ZNF728: variants seen among roughly 807,000 people sequenced by gnomAD.
The protein encoded by ZNF728 is zinc finger protein 728.
In ZNF728, 12 loss-of-function variants were observed where a neutral mutation model predicts 12.5. The ratio of observed to expected loss-of-function variants is 0.96; its 90% CI spans 0.61 to 1.55. ZNF728 has a LOEUF of 1.55. Ranked by LOEUF, ZNF728 falls within the 40% of genes most tolerant of loss-of-function variation. ZNF728 has a pLI of 0.00. For missense variants in ZNF728, 692 were observed against 719.2 expected (o/e 0.96, Z 0.43); for synonymous variants, 205 against 240.7 (o/e 0.85, Z 1.37).
At chr19:22,977,181 A>G in intron 3 of ZNF728, 71 bp from the exon 4 acceptor site, 1 of 1,365,824 alleles carries the variant, frequency 7.3e-7, no homozygotes. Context: ...TAACCTATAA[A>G]ATTATTCAAA....
At chr19:22,992,389 T>C (rs1419732245) in intron 1 of ZNF728, among the ~76,000 whole-genome samples, 2 of 151,988 alleles carry the variant, frequency 1.3e-5, no homozygotes, top group Non-Finnish European at 2.9e-5. Context: ...ACTATAGGCA[T>C]GAGCCACCAC....
At chr19:23,000,914 A>G (rs1210088973) in intron 1 of ZNF728, among the ~76,000 whole-genome samples, 1 of 151,548 alleles carries the variant, frequency 6.6e-6, no homozygotes, top group African/African-American at 2.4e-5. Flanking sequence ...TGAGGTCAAA[A>G]TAAGTGAACA....
chr19:22,991,993 A>AT (rs1159368817), intron 1 of ZNF728, among the ~76,000 whole-genome samples: 2 of 152,186 alleles, frequency 1.3e-5, no homozygotes, highest in Non-Finnish European at 2.9e-5. Flanking sequence ...TTCTAGAATA[A>AT]TTTTTTAGAA....
chr19:22,980,034 T>TA (rs1336911875), intron 3 of ZNF728, among the ~76,000 whole-genome samples: 5 of 152,106 alleles, frequency 3.3e-5, no homozygotes, highest in African/African-American at 1.2e-4. Context: ...GTAAATGGGC[T>TA]AAATGCCCCC....
Position 23,003,057 on chromosome 19 carries a change from C to T in ZNF728, c.-27G>A. On this transcript the variant is annotated 5_prime_UTR_variant, in exon 1 of 4. Transcript: ENST00000594710. ...TCTAGGCTTCCGGGGGTCCTGGCGA[C>T]TTAGTTGTGAATCTCCCAATACCTG... The T allele has an allele frequency of 6.3e-7, 1 of 1,577,618 alleles. No individual in the cohort carries two copies. Among genetic ancestry groups the T allele is most frequent in the Non-Finnish European group, 8.6e-7 (1 of 1,162,398 alleles).
In ZNF728 at chr19:22,988,435, C is replaced by T. The variant is rs530488414; in HGVS notation, c.20G>A (p.Arg7Gln). ...CAGAGAGAATTGTATGGCCACATCC[C>T]GAAATGTCAACGATCCCTGGAAAAC... Reference protein sequence around the residue: MGSLTFRDVAIQFSLEE... With the variant: MGSLTFQDVAIQFSLEE... Residue 7 changes from arginine to glutamine, a missense_variant, in exon 2 of 4, where the codon CGG becomes CAG. Coordinates refer to ENST00000594710, the MANE Select transcript of ZNF728 (RefSeq NM_001267716.2). 3.5e-5 allele frequency: 56 copies of T among 1,613,928 alleles called. No individual in the cohort carries two copies. Among genetic ancestry groups the T allele is most frequent in the Non-Finnish European group, 4.2e-5 (49 of 1,179,936 alleles).
At position 22,976,302 on chromosome 19, in the gene ZNF728, A is replaced by G; in HGVS notation, c.1035T>C (p.Cys345=). The part of the protein sequence containing the change: ...TGEKPCKCEE[C]GKAFGNFSTL... ...TTGAGAAGTTACCAAAGGCTTTGCCACATTCTTCACATTTGCAGGGCTTCT... is the reference window on the plus strand; with the variant it reads ...TTGAGAAGTTACCAAAGGCTTTGCCGCATTCTTCACATTTGCAGGGCTTCT... Residue 345 remains cysteine (C), a synonymous_variant, in exon 4 of 4, where the codon TGT becomes TGC. Transcript: ENST00000594710. 6.2e-7 allele frequency: 1 copy of G among 1,613,378 alleles called. No homozygotes were observed. The highest frequency in any genetic ancestry group is 2.2e-5 in the East Asian group (1 of 44,834).
chr19:22,977,111 C>G lies in ZNF728; in HGVS notation c.227-1G>C, dbSNP rs771499304. The G allele has an allele frequency of 1.9e-6, 3 of 1,543,450 alleles. No homozygotes were observed. The highest frequency in any genetic ancestry group is 2.6e-6 in the Non-Finnish European group (3 of 1,151,232). On this transcript the variant is annotated splice_acceptor_variant, in intron 3 of 3. Transcript: ENST00000594710. LOFTEE classifies it high-confidence loss of function. ...TCTTGAGCAAAATGAGAACATATAA[C>G]TGAAAAGAAATAAAAATAACAAATT...
intron 1 of ZNF728, among the ~76,000 whole-genome samples, chr19:22,997,918 A>T (rs1339134321): frequency 6.6e-6 from 1 of 152,160 alleles, no homozygotes; most frequent in Non-Finnish European, 1.5e-5. Context: ...TAACAAGCAT[A>T]TAAAAAAATG....
intron 3 of ZNF728, among the ~76,000 whole-genome samples, chr19:22,984,625 C>A (rs1470220542): frequency 6.7e-6 from 1 of 149,176 alleles, no homozygotes; most frequent in Non-Finnish European, 1.5e-5. Context: ...CATATACACA[C>A]ACATAGGAAT....
intron 1 of ZNF728, among the ~76,000 whole-genome samples, chr19:23,002,584 C>A (rs1969124306): frequency 6.6e-6 from 1 of 152,222 alleles, no homozygotes. Flanking sequence ...ATTTTGGAAT[C>A]ACTCTTTGGT....
chr19:22,977,205 A>G lies in ZNF728; in HGVS notation c.227-95T>C, dbSNP rs973126731. 2.5e-5 allele frequency: 30 copies of G among 1,193,934 alleles called. No homozygotes were observed. In the South Asian group the frequency reaches 2.5e-4, roughly 10 times the overall value. 74.0% of individuals were successfully genotyped at this position (1,193,934 alleles called of 1,614,324 possible). On this transcript the variant is annotated intron_variant, in intron 3 of 3. Transcript: ENST00000594710. ...AAATTATTCAAACTACATAAGCAAG[A>G]TGACACTGCAGTATGACACAGGCCC...
intron 1 of ZNF728, among the ~76,000 whole-genome samples, chr19:22,990,275 T>C (rs973637531): frequency 2.0e-5 from 3 of 151,964 alleles, no homozygotes; most frequent in African/African-American, 4.8e-5. Context: ...AAAAAGGTCA[T>C]TTTTTTCTCT....
chr19:22,990,158 G>GA (rs1288747640), intron 1 of ZNF728, among the ~76,000 whole-genome samples: 3 of 151,932 alleles, frequency 2.0e-5, no homozygotes, highest in African/African-American at 7.3e-5. Context: ...CATTAGGGAG[G>GA]AAAAACACAA....
At chr19:22,989,166 T>G (rs139719634) in intron 1 of ZNF728, among the ~76,000 whole-genome samples, 4 of 151,520 alleles carry the variant, frequency 2.6e-5, no homozygotes, top group African/African-American at 9.7e-5. Context: ...AAGGTATCAC[T>G]CAAATTTTAA....
intron 1 of ZNF728, among the ~76,000 whole-genome samples, chr19:22,991,479 T>C (rs1599531813): frequency 6.6e-6 from 1 of 152,210 alleles, no homozygotes; most frequent in African/African-American, 2.4e-5. Flanking sequence ...TTTAGATAAA[T>C]TTTTATTGTG....
At chr19:22,980,328 T>C (rs1968849235) in intron 3 of ZNF728, among the ~76,000 whole-genome samples, 1 of 151,974 alleles carries the variant, frequency 6.6e-6, no homozygotes, top group Non-Finnish European at 1.5e-5. Flanking sequence ...CAAGAAGAGC[T>C]AACTATCCTA....
Position 22,976,737 on chromosome 19 carries a change from G to C in ZNF728, c.600C>G (p.Ser200=), listed in dbSNP as rs1450794994. Residue 200 remains serine (S), a synonymous_variant, in exon 4 of 4, where the codon TCC becomes TCG. Coordinates refer to ENST00000594710, the MANE Select transcript of ZNF728 (RefSeq NM_001267716.2). ...CTTTGCCATGTTCTTCACTTTTGTA[G>C]GAATTCTCTCTAGTATAAATTCTTT... ...QHKRIYTREN[S]YKSEEHGKAF... 6.2e-7 allele frequency: 1 copy of C among 1,613,352 alleles called. No individual in the cohort carries two copies.
chr19:22,986,366 A>T (rs1240115381), intron 3 of ZNF728, among the ~76,000 whole-genome samples: 1 of 152,086 alleles, frequency 6.6e-6, no homozygotes, highest in Non-Finnish European at 1.5e-5. Context: ...GTTCTCTATA[A>T]AAAAAACCAT....
Sources: gnomAD v4.1 joint callset for allele counts (sites outside exome capture counted in the v4.1 genomes callset) on GRCh38, gnomAD v4.1.1 for gene constraint, MANE v1.5 for transcripts, NCBI Gene and HGNC (gene_info 2026-07-23, HGNC 2026-07-21) for gene names.